The following ZEB1 variants were observed in gnomAD, a reference collection of about 807,000 sequenced individuals.
The protein encoded by ZEB1 is zinc finger E-box-binding homeobox 1.
ZEB1 carries 21 observed loss-of-function variants against 84.9 expected under a neutral mutation model. The observed-to-expected ratio is 0.25, with a 90% CI of 0.18 to 0.36. ZEB1 has a LOEUF of 0.36. Ranked by LOEUF, ZEB1 falls within the 10% of genes least tolerant of loss-of-function variation. The pLI, the probability that ZEB1 is intolerant of heterozygous loss-of-function variation, is 1.00. For synonymous variants in ZEB1, 420 were observed against 471.1 expected (o/e 0.89, Z 1.41); for missense variants, 1,104 against 1,330.2 (o/e 0.83, Z 2.65).
chr10:31,343,044 G>T lies in ZEB1; in HGVS notation c.58+23752G>T, dbSNP rs1368420406. Among the ~76,000 whole-genome samples, 3 of 152,230 alleles carry T rather than the reference G, an allele frequency of 2.0e-5. No individual in the cohort carries two copies. In the South Asian group the frequency reaches 6.2e-4, roughly 32 times the overall value. On this transcript the variant is annotated intron_variant, in intron 1 of 8. Transcript: ENST00000424869. ...ATTCCAAGGACGGTAAAAACAAAAT[G>T]CACTTGCTCTTCTAAATCTTTAGCC...
At chr10:31,321,709 C>T in intron 1 of ZEB1, 3 of 860,300 alleles carry the variant, frequency 3.5e-6, no homozygotes, top group East Asian at 2.5e-5. Context: ...GGATTTTTCT[C>T]CTTGAGATCC....
intron 1 of ZEB1, among the ~76,000 whole-genome samples, chr10:31,443,133 C>T (rs1327883412): frequency 1.3e-5 from 2 of 152,166 alleles, no homozygotes; most frequent in Non-Finnish European, 2.9e-5. Context: ...TCTTCTGTTA[C>T]TGAGGTTGAG....
At chr10:31,382,006 CAAAAAAAAAAA>C (rs535534850) in intron 1 of ZEB1, among the ~76,000 whole-genome samples, 6,950 of 40,794 alleles carry the variant, frequency 0.17, 477 homozygotes, top group Middle Eastern at 0.37. Context: ...GAGACTGTCT[CAAAAAAAAAAA>C]AAAAAAAAAA....
chr10:31,449,386 G>T (rs971898999), intron 1 of ZEB1, among the ~76,000 whole-genome samples: 1 of 152,204 alleles, frequency 6.6e-6, no homozygotes, highest in African/African-American at 2.4e-5. Context: ...CGTCGCTCAC[G>T]CTGGGAGCTG....
rs77828033 is a variant in ZEB1, at chr10:31,373,566, T to G, written c.58+54274T>G. Among the ~76,000 whole-genome samples, 694 of 151,952 alleles carry G rather than the reference T, an allele frequency of 4.6e-3. 7 individuals carry two copies. The highest frequency in any genetic ancestry group is 0.016 in the African/African-American group (666 of 41,532). The stretch of plus-strand genomic sequence containing the variant: ...TCAGTTTCATAAGTGCTTCTTAAAA[T>G]AGACATGCATTTTGTGGTAGTCTGT... On this transcript the variant is annotated intron_variant, in intron 1 of 8. Coordinates refer to ENST00000424869, the MANE Select transcript of ZEB1 (RefSeq NM_001174096.2).
At chr10:31,469,791 C>T (rs1372909798) in intron 2 of ZEB1, among the ~76,000 whole-genome samples, 1 of 152,294 alleles carries the variant, frequency 6.6e-6, no homozygotes, top group African/African-American at 2.4e-5. Context: ...CAGCAGTAAC[C>T]TCTGCAGACT....
At chr10:31,451,198 T>C (rs978355505) in intron 1 of ZEB1, among the ~76,000 whole-genome samples, 1 of 152,314 alleles carries the variant, frequency 6.6e-6, no homozygotes, top group East Asian at 1.9e-4. Context: ...GAAAGGGTTT[T>C]CATCTAGGTT....
At chr10:31,485,216 A>G (rs1410678528) in intron 2 of ZEB1, among the ~76,000 whole-genome samples, 1 of 151,934 alleles carries the variant, frequency 6.6e-6, no homozygotes, top group Non-Finnish European at 1.5e-5. Context: ...GAGTCTCAAA[A>G]CAATTTGTAT....
At chr10:31,333,981 A>G (rs2037402721) in intron 1 of ZEB1, among the ~76,000 whole-genome samples, 1 of 152,102 alleles carries the variant, frequency 6.6e-6, no homozygotes, top group Non-Finnish European at 1.5e-5. Flanking sequence ...ATAGTTATAA[A>G]AGGAAGGTAT....
chr10:31,359,516 C>T (rs147200622), intron 1 of ZEB1, among the ~76,000 whole-genome samples: 3 of 152,236 alleles, frequency 2.0e-5, no homozygotes, highest in Admixed American at 1.3e-4. Flanking sequence ...CTTCTGTTAA[C>T]ACAGGAACCA....
chr10:31,390,937 C>T (rs979622106), intron 1 of ZEB1, among the ~76,000 whole-genome samples: 1 of 152,052 alleles, frequency 6.6e-6, no homozygotes, highest in African/African-American at 2.4e-5. Flanking sequence ...TAGTGTGGAT[C>T]TACCCTCAAG....
chr10:31,340,358 T>C (rs1317025690), intron 1 of ZEB1, among the ~76,000 whole-genome samples: 1 of 152,222 alleles, frequency 6.6e-6, no homozygotes, highest in Non-Finnish European at 1.5e-5. Context: ...TGAAATCATT[T>C]AGAGGGTAAA....
chr10:31,525,193 T>C (rs2073191108), intron 8 of ZEB1, among the ~76,000 whole-genome samples: 1 of 152,218 alleles, frequency 6.6e-6, no homozygotes, highest in African/African-American at 2.4e-5. Context: ...ATGTCAGCTT[T>C]CATGCTGTTC....
At chr10:31,469,720 G>A (rs956507262) in intron 2 of ZEB1, among the ~76,000 whole-genome samples, 2 of 152,248 alleles carry the variant, frequency 1.3e-5, no homozygotes, top group Non-Finnish European at 2.9e-5. Flanking sequence ...CACAGCTCAA[G>A]GAGGCCTGCC....
At chr10:31,402,110 CTGTTGT>C (rs541378977) in intron 1 of ZEB1, among the ~76,000 whole-genome samples, 22 of 151,032 alleles carry the variant, frequency 1.5e-4, no homozygotes, top group South Asian at 6.3e-4. Flanking sequence ...GTTGTTGTTG[CTGTTGT>C]TGTTGTTGTT....
chr10:31,371,528 G>A (rs1590451630), intron 1 of ZEB1, among the ~76,000 whole-genome samples: 2 of 152,204 alleles, frequency 1.3e-5, no homozygotes, highest in Non-Finnish European at 2.9e-5. Context: ...AATGCTTCTT[G>A]ATATAAAGTC....
chr10:31,518,069 T>C (rs980504564), intron 6 of ZEB1, among the ~76,000 whole-genome samples: 1 of 152,152 alleles, frequency 6.6e-6, no homozygotes, highest in Non-Finnish European at 1.5e-5. Context: ...CTTTCTAGCG[T>C]CTCTAGAAGG....
At chr10:31,355,018 ATC>A (rs2041894970) in intron 1 of ZEB1, 1 of 152,182 alleles carries the variant, frequency 6.6e-6, no homozygotes, top group Non-Finnish European at 1.5e-5. Context: ...TTTGTATAGT[ATC>A]TCCTTTGTTA....
chr10:31,429,961 G>A (rs565455218), intron 1 of ZEB1, among the ~76,000 whole-genome samples: 305 of 151,876 alleles, frequency 2.0e-3, no homozygotes, highest in African/African-American at 6.7e-3. Context: ...GGCTGGTCTC[G>A]AACTCCTGAC....
Sources: allele counts gnomAD v4.1 joint callset (sites outside exome capture counted in the v4.1 genomes callset), GRCh38; gene constraint gnomAD v4.1.1; transcripts MANE v1.5; gene names NCBI Gene and HGNC (gene_info 2026-07-23, HGNC 2026-07-21).